The following PTPRM variants were observed in gnomAD, a reference collection of about 807,000 sequenced individuals.
PTPRM encodes receptor-type tyrosine-protein phosphatase mu.
In PTPRM, 47 loss-of-function variants were observed where a neutral mutation model predicts 186.7. The observed-to-expected ratio is 0.25, with a 90% CI of 0.20 to 0.32. PTPRM has a LOEUF of 0.32. PTPRM is among the 10% of genes least tolerant of loss of function. PTPRM has a pLI of 1.00. For missense variants in PTPRM, 1,494 were observed against 1,865.0 expected, an observed-to-expected ratio of 0.80 and a Z score of 3.66; for synonymous variants, 668 against 674.9, an observed-to-expected ratio of 0.99 and a Z score of 0.16.
chr18:7,665,076 A>G (rs1259724806), intron 1 of PTPRM, among the ~76,000 whole-genome samples: 4 of 152,206 alleles, frequency 2.6e-5, no homozygotes, highest in Non-Finnish European at 2.9e-5. Context: ...GAGTTGTCAT[A>G]AAATTACTAA....
intron 14 of PTPRM, among the ~76,000 whole-genome samples, chr18:8,182,710 A>G (rs144293200): frequency 1.3e-5 from 2 of 152,240 alleles, no homozygotes; most frequent in African/African-American, 2.4e-5. Context: ...TAAAATCACT[A>G]TGATTAAATT....
intron 7 of PTPRM, among the ~76,000 whole-genome samples, chr18:8,001,359 C>T (rs1568163755): frequency 1.3e-5 from 2 of 152,248 alleles, no homozygotes; most frequent in East Asian, 3.9e-4. Flanking sequence ...ATTACTGCCA[C>T]CTCCTCAGTT....
chr18:7,582,850 AT>A (rs1567966941), intron 1 of PTPRM, among the ~76,000 whole-genome samples: 1 of 152,050 alleles, frequency 6.6e-6, no homozygotes, highest in East Asian at 1.9e-4. Context: ...AATAATATGA[AT>A]TTTTTTCAAT....
intron 1 of PTPRM, among the ~76,000 whole-genome samples, chr18:7,690,799 C>A (rs1366298969): frequency 6.6e-6 from 1 of 152,202 alleles, no homozygotes; most frequent in African/African-American, 2.4e-5. Flanking sequence ...GAAAGCCTAA[C>A]ATTTCTTCAG....
chr18:7,717,881 C>G (rs1035091986), intron 1 of PTPRM, among the ~76,000 whole-genome samples: 3 of 152,164 alleles, frequency 2.0e-5, no homozygotes, highest in African/African-American at 4.8e-5. Flanking sequence ...ACTGAAGTGG[C>G]TAGCCCTTTC....
chr18:7,572,154 C>T (rs949985456), intron 1 of PTPRM, among the ~76,000 whole-genome samples: 2 of 151,962 alleles, frequency 1.3e-5, no homozygotes, highest in African/African-American at 4.8e-5. Flanking sequence ...TAAATTGTTC[C>T]GATCTAGAAA....
intron 23 of PTPRM, among the ~76,000 whole-genome samples, chr18:8,366,500 C>T (rs1295819048): frequency 1.3e-5 from 2 of 152,178 alleles, no homozygotes; most frequent in Non-Finnish European, 2.9e-5. Context: ...CTGGCAGCCT[C>T]GGGAGCCACA....
intron 2 of PTPRM, among the ~76,000 whole-genome samples, chr18:7,790,183 C>A (rs1196062155): frequency 6.6e-6 from 1 of 152,152 alleles, no homozygotes; most frequent in Non-Finnish European, 1.5e-5. Context: ...CTCTTGTTGG[C>A]CTGCTTAAGA....
At chr18:8,304,340 C>T (rs147903444) in intron 20 of PTPRM, among the ~76,000 whole-genome samples, 101 of 152,336 alleles carry the variant, frequency 6.6e-4, no homozygotes, top group Admixed American at 2.2e-3. Flanking sequence ...TCTCGCATCA[C>T]CCCAGTCCAA....
intron 1 of PTPRM, among the ~76,000 whole-genome samples, chr18:7,693,749 G>C (rs2039783942): frequency 6.6e-6 from 1 of 152,106 alleles, no homozygotes; most frequent in Non-Finnish European, 1.5e-5. Context: ...ATACACTTAA[G>C]GAAAATCTGG....
chr18:7,816,987 T>TA, intron 2 of PTPRM, among the ~76,000 whole-genome samples: 1 of 151,430 alleles, frequency 6.6e-6, no homozygotes, highest in South Asian at 2.1e-4. Flanking sequence ...TTTTTTTTTT[T>TA]TTTTTGAGAT....
chr18:8,240,520 A>G (rs2094407387), intron 14 of PTPRM, among the ~76,000 whole-genome samples: 1 of 106,338 alleles, frequency 9.4e-6, no homozygotes, highest in Non-Finnish European at 1.9e-5. Context: ...GAAGGAAGGA[A>G]GGAAGGAAGG....
At chr18:7,662,282 T>G (rs1019405998) in intron 1 of PTPRM, among the ~76,000 whole-genome samples, 8 of 152,206 alleles carry the variant, frequency 5.3e-5, no homozygotes, top group Non-Finnish European at 1.2e-4. Context: ...GCAGCACTAT[T>G]CACAATAGCC....
chr18:8,113,379 C>T, intron 11 of PTPRM, 107 bp from the exon 12 acceptor site: 1 of 1,004,654 alleles, frequency 1.0e-6, no homozygotes, highest in Non-Finnish European at 1.5e-6. Context: ...TGGACTGCGT[C>T]CAGTGTGTTC....
chr18:7,923,686 A>C (rs1397524089), intron 4 of PTPRM, among the ~76,000 whole-genome samples: 1 of 152,172 alleles, frequency 6.6e-6, no homozygotes, highest in Admixed American at 6.5e-5. Flanking sequence ...TTTTGATGGT[A>C]ATGGCAACAG....
chr18:7,880,440 AAG>A (rs913411152), intron 2 of PTPRM, among the ~76,000 whole-genome samples: 5 of 152,184 alleles, frequency 3.3e-5, no homozygotes, highest in African/African-American at 9.7e-5. Context: ...CATTTGGGAG[AAG>A]AGAGAATTTT....
chr18:8,347,886 C>G (rs1346588322), intron 23 of PTPRM, among the ~76,000 whole-genome samples: 3 of 152,200 alleles, frequency 2.0e-5, no homozygotes, highest in East Asian at 1.9e-4. Flanking sequence ...TCATTGCCAT[C>G]AGCCCCTTGG....
At chr18:8,170,742 C>T (rs989945592) in intron 14 of PTPRM, among the ~76,000 whole-genome samples, 14 of 152,122 alleles carry the variant, frequency 9.2e-5, no homozygotes, top group African/African-American at 3.4e-4. Flanking sequence ...CTGGCCCTGG[C>T]ATTATTATTG....
intron 1 of PTPRM, among the ~76,000 whole-genome samples, chr18:7,590,510 A>G (rs544699863): frequency 3.3e-5 from 5 of 152,324 alleles, no homozygotes; most frequent in South Asian, 2.1e-4. Context: ...GTGGATATAT[A>G]CAAAGAATCC....
Sources: gnomAD v4.1 joint callset for allele counts (sites outside exome capture counted in the v4.1 genomes callset) on GRCh38, gnomAD v4.1.1 for gene constraint, MANE v1.5 for transcripts, NCBI Gene and HGNC (gene_info 2026-07-23, HGNC 2026-07-21) for gene names.